Variants in CPS1 observed in about 807,000 individuals in gnomAD.
The protein encoded by CPS1 is carbamoyl-phosphate synthase 1.
CPS1 carries 109 observed loss-of-function variants against 174.6 expected under a neutral mutation model. The observed-to-expected ratio is 0.62, with a 90% CI of 0.53 to 0.73. The LOEUF is 0.73. CPS1 is among the 30% of genes least tolerant of loss of function. The pLI, the probability that CPS1 is intolerant of heterozygous loss-of-function variation, is 0.00. For missense variants in CPS1, 1,689 were observed against 1,821.9 expected, an observed-to-expected ratio of 0.93 and a Z score of 1.33; for synonymous variants, 637 against 632.0, an observed-to-expected ratio of 1.01 and a Z score of -0.12.
At chr2:210,605,037 C>T in intron 16 of CPS1, 65 bp from the exon 17 acceptor site, 1 of 1,585,656 alleles carries the variant, frequency 6.3e-7, no homozygotes, top group Non-Finnish European at 8.6e-7. Flanking sequence ...GGTATTTTGC[C>T]AAATATCCTT....
At chr2:210,598,939 C>A (rs968966980) in intron 13 of CPS1, among the ~76,000 whole-genome samples, 1 of 151,942 alleles carries the variant, frequency 6.6e-6, no homozygotes, top group South Asian at 2.1e-4. Flanking sequence ...ATGACACATA[C>A]TCTAAAATTG....
intron 19 of CPS1, among the ~76,000 whole-genome samples, chr2:210,610,393 G>C (rs946532944): frequency 6.6e-6 from 1 of 151,776 alleles, no homozygotes; most frequent in Non-Finnish European, 1.5e-5. Context: ...CTTACTAAAC[G>C]CAAGACACTG....
Position 210,606,783 on chromosome 2 carries a change from G to A in CPS1, c.2034G>A (p.Gln678=), listed in dbSNP as rs1698928587. The part of the protein sequence containing the change: ...PAQTLSNAEF[Q]MLRRTSINVV... Reference sequence around the variant, plus strand: ...AGACACTCTCCAATGCCGAGTTTCAGATGTTGAGACGTACTTCAATCAATG... The same window carrying A: ...AGACACTCTCCAATGCCGAGTTTCAAATGTTGAGACGTACTTCAATCAATG... Residue 678 remains glutamine, a synonymous_variant, in exon 18 of 38, where the codon CAG becomes CAA. Transcript: ENST00000233072. The A allele has an allele frequency of 6.2e-7, 1 of 1,612,482 alleles. No homozygotes were observed. Among genetic ancestry groups the A allele is most frequent in the Admixed American group, 1.7e-5 (1 of 59,800 alleles).
intron 21 of CPS1, among the ~76,000 whole-genome samples, chr2:210,634,069 G>C (rs1021559454): frequency 9.2e-5 from 14 of 152,162 alleles, no homozygotes; most frequent in Non-Finnish European, 8.8e-5. Flanking sequence ...TGAGCAATTG[G>C]TTTGGGAGCA....
At chr2:210,495,486 A>G (rs752389919) in intron 1 of CPS1, among the ~76,000 whole-genome samples, 9 of 152,192 alleles carry the variant, frequency 5.9e-5, no homozygotes, top group Non-Finnish European at 1.2e-4. Flanking sequence ...AATGAACAAA[A>G]TATCGGAAGT....
chr2:210,677,428 C>T lies in CPS1; in HGVS notation c.4404+292C>T, dbSNP rs543288615. ...GCATGACATGGAATAAAGATACAAA[C>T]TTTTATTTCATTGTTTCTAAATGAA... On this transcript the variant is annotated intron_variant, in intron 37 of 37. Transcript: ENST00000233072. Among the ~76,000 whole-genome samples, 8 of 152,290 alleles carry T rather than the reference C, an allele frequency of 5.3e-5. No individual in the cohort carries two copies. In the South Asian group the frequency reaches 1.2e-3, roughly 24 times the overall value.
At chr2:210,487,996 AG>A (rs1360629908) in intron 1 of CPS1, among the ~76,000 whole-genome samples, 3 of 152,220 alleles carry the variant, frequency 2.0e-5, no homozygotes, top group African/African-American at 7.2e-5. Flanking sequence ...TTTTAAAAAA[AG>A]GGCATCTAAA....
intron 1 of CPS1, among the ~76,000 whole-genome samples, chr2:210,520,576 A>G (rs1695794561): frequency 6.6e-6 from 1 of 151,722 alleles, no homozygotes; most frequent in South Asian, 2.1e-4. Flanking sequence ...AATATTTCTT[A>G]ATGCCTTTTC....
chr2:210,621,939 T>C (rs983515943), intron 21 of CPS1, among the ~76,000 whole-genome samples: 1 of 151,952 alleles, frequency 6.6e-6, no homozygotes, highest in African/African-American at 2.4e-5. Flanking sequence ...CATTAAGAAA[T>C]CAGTGATTGT....
chr2:210,539,029 G>A (rs867829855), intron 1 of CPS1, among the ~76,000 whole-genome samples: 1 of 152,088 alleles, frequency 6.6e-6, no homozygotes, highest in African/African-American at 2.4e-5. Context: ...TGCGTATATT[G>A]TTGTATAAAT....
At chr2:210,530,337 T>G (rs1437365571) in intron 1 of CPS1, among the ~76,000 whole-genome samples, 1 of 152,112 alleles carries the variant, frequency 6.6e-6, no homozygotes, top group East Asian at 1.9e-4. Flanking sequence ...ATTCCATTGA[T>G]TTTTAATACT....
Position 210,579,723 on chromosome 2 carries a change from A to G in CPS1, c.481A>G (p.Ile161Val), listed in dbSNP as rs775865903. Residue 161 changes from isoleucine (I) to valine (V), a missense_variant, in exon 5 of 38, where the codon ATT (isoleucine) becomes GTT (valine). Coordinates refer to ENST00000233072, the MANE Select transcript of CPS1 (RefSeq NM_001875.5). ...AATTTTTTTCTTATAGGTTCCTGCA[A>G]TTTATGGAGTGGACACAAGAATGCT... ...QWLQEEKVPA[I>V]YGVDTRMLTK... 9 of 1,613,018 alleles carry G rather than the reference A, an allele frequency of 5.6e-6. No individual in the cohort carries two copies. The highest frequency in any genetic ancestry group is 2.7e-5 in the African/African-American group (2 of 74,866).
rs768333884 is a variant in CPS1 at position 210,595,502 on chromosome 2, A to C, written c.1279A>C (p.Ile427Leu). ...TTGCTTATAGGTTTCCAAAGTCCTT[A>C]TTCTAGGATCAGGAGGTCTGTCCAT... is the stretch of plus-strand genomic sequence containing the variant. ...ASRVEVSKVL[I>L]LGSGGLSIGQ... The change falls in exon 13 of 38, where the codon ATT (isoleucine) becomes CTT (leucine). Residue 427 changes from isoleucine (I) to leucine (L), a missense_variant. Coordinates refer to ENST00000233072, the MANE Select transcript of CPS1 (RefSeq NM_001875.5). 6.2e-7 allele frequency: 1 copy of C among 1,610,990 alleles called. No homozygotes were observed. The highest frequency in any genetic ancestry group is 8.5e-7 in the Non-Finnish European group (1 of 1,177,868).
At chr2:210,570,047 T>A (rs1316395459) in intron 1 of CPS1, among the ~76,000 whole-genome samples, 1 of 151,976 alleles carries the variant, frequency 6.6e-6, no homozygotes, top group Non-Finnish European at 1.5e-5. Flanking sequence ...AAGAAAGGAT[T>A]CCAAATAATA....
chr2:210,562,338 A>G (rs957882924), intron 1 of CPS1, among the ~76,000 whole-genome samples: 2 of 152,190 alleles, frequency 1.3e-5, no homozygotes, highest in African/African-American at 4.8e-5. Flanking sequence ...AAGATTATTA[A>G]CTGAGAATGT....
chr2:210,612,024 G>A, intron 19 of CPS1, 93 bp from the exon 20 acceptor site: 2 of 1,060,790 alleles, frequency 1.9e-6, no homozygotes, highest in Non-Finnish European at 1.4e-6. Context: ...GTTCTTATTT[G>A]TTTTATAAAA....
At chr2:210,617,920 G>A (rs1475144831) in intron 21 of CPS1, 1 of 151,950 alleles carries the variant, frequency 6.6e-6, no homozygotes, top group Non-Finnish European at 1.5e-5. Flanking sequence ...CTCCAATTAA[G>A]CCACATGGGG....
At chr2:210,677,356 T>C (rs1288655040) in intron 37 of CPS1, among the ~76,000 whole-genome samples, 2 of 152,218 alleles carry the variant, frequency 1.3e-5, no homozygotes, top group Non-Finnish European at 2.9e-5. Context: ...AGGCCATGAA[T>C]GGCCATGGCT....
At chr2:210,565,015 A>AAAAT (rs562861337) in intron 1 of CPS1, among the ~76,000 whole-genome samples, 4,025 of 151,378 alleles carry the variant, frequency 0.027, 157 homozygotes, top group African/African-American at 0.088. Flanking sequence ...AATAAAAATA[A>AAAAT]AAATAAATAA....
Sources: allele counts gnomAD v4.1 joint callset (sites outside exome capture counted in the v4.1 genomes callset), GRCh38; gene constraint gnomAD v4.1.1; transcripts MANE v1.5; gene names NCBI Gene and HGNC (gene_info 2026-07-23, HGNC 2026-07-21).